LVRN: variants seen among roughly 807,000 people sequenced by gnomAD.
The protein encoded by LVRN is laeverin, also known as aminopeptidase Q.
Under a neutral mutation model 111.4 loss-of-function variants are expected in LVRN, and 99 were observed. The observed-to-expected ratio is 0.89, with a 90% CI of 0.76 to 1.05. LVRN has a LOEUF of 1.05. Ranked by LOEUF, LVRN falls within the 50% of genes least tolerant of loss-of-function variation. The pLI is 0.00. For synonymous variants in LVRN, 488 were observed against 449.5 expected, an observed-to-expected ratio of 1.09 and a Z score of -1.08; for missense variants, 1,414 against 1,206.8, an observed-to-expected ratio of 1.17 and a Z score of -2.54.
chr5:116,023,589 ACTGG>A (rs1748801727), intron 19 of LVRN: 1 of 152,278 alleles, frequency 6.6e-6, no homozygotes, highest in African/African-American at 2.4e-5. Flanking sequence ...CACCCAAGTC[ACTGG>A]CACTGGGAAG....
chr5:116,006,590 T>C (rs1443321303), intron 13 of LVRN, among the ~76,000 whole-genome samples: 1 of 152,190 alleles, frequency 6.6e-6, no homozygotes, highest in Non-Finnish European at 1.5e-5. Flanking sequence ...GAGACTCTGA[T>C]ATGCAAACCT....
At chr5:115,985,477 G>T (rs767491481) in intron 3 of LVRN, among the ~76,000 whole-genome samples, 1 of 152,134 alleles carries the variant, frequency 6.6e-6, no homozygotes, top group East Asian at 1.9e-4. Flanking sequence ...ATGATTTCCA[G>T]AACAACAAGG....
Position 115,983,311 on chromosome 5 carries a change from A to C in LVRN, c.720A>C (p.Glu240Asp), listed in dbSNP as rs1277379161. 1 of 1,605,160 alleles carries C rather than the reference A, an allele frequency of 6.2e-7. No individual in the cohort carries two copies. Among genetic ancestry groups the C allele is most frequent in the East Asian group, 2.2e-5 (1 of 44,578 alleles). Reference sequence around the variant, plus strand: ...GGGCCCTGTTAGCGTCCCAGCTGGAACCAACATTTGCCAGGTATGTTTTCC... The same window carrying C: ...GGGCCCTGTTAGCGTCCCAGCTGGACCCAACATTTGCCAGGTATGTTTTCC... ...ERRALLASQL[E>D]PTFARYVFPC... The change falls in exon 2 of 20, where the codon GAA becomes GAC. Residue 240 changes from glutamate (E) to aspartate (D), a missense_variant. Glu to Asp is a conservative substitution (Grantham distance 45). Transcript: ENST00000357872.
intron 18 of LVRN, chr5:116,021,853 T>A: frequency 2.8e-6 from 1 of 358,618 alleles, no homozygotes; most frequent in Non-Finnish European, 5.4e-6. Context: ...GAAGTTTCCA[T>A]GACCACGCCT....
intron 1 of LVRN, among the ~76,000 whole-genome samples, chr5:115,973,227 GTCAACC>G: frequency 6.6e-6 from 1 of 152,230 alleles, no homozygotes; most frequent in African/African-American, 2.4e-5. Flanking sequence ...ACTGCACCCA[GTCAACC>G]TTGAATTCTT....
intron 15 of LVRN, among the ~76,000 whole-genome samples, chr5:116,013,878 A>C (rs111764775): frequency 0.02 from 3,103 of 152,266 alleles, 101 homozygotes; most frequent in African/African-American, 0.071. Flanking sequence ...AACAAATCAA[A>C]CCAACCAAAC....
chr5:115,984,558 A>C lies in LVRN; in HGVS notation c.839-12A>C. On this transcript the variant is annotated splice_polypyrimidine_tract_variant and intron_variant, in intron 2 of 19. Transcript: ENST00000357872. ...GATTTGCTGTGATTTGAACTAAAAT[A>C]AAATTCTCTAGGTCAGTCTGAAAAA... 1 of 1,612,156 alleles carries C rather than the reference A, an allele frequency of 6.2e-7. No homozygotes were observed. Among genetic ancestry groups the C allele is most frequent in the Non-Finnish European group, 8.5e-7 (1 of 1,179,184 alleles).
At chr5:115,981,520 C>A (rs1753559808) in intron 1 of LVRN, among the ~76,000 whole-genome samples, 4 of 152,064 alleles carry the variant, frequency 2.6e-5, no homozygotes. Flanking sequence ...GCATGGAATG[C>A]ATAATAATCA....
At chr5:116,011,839 G>A (rs147738317) in intron 14 of LVRN, among the ~76,000 whole-genome samples, 34 of 152,212 alleles carry the variant, frequency 2.2e-4, no homozygotes, top group African/African-American at 7.0e-4. Flanking sequence ...TCTTAGGGAT[G>A]TATTAGTAAA....
At chr5:115,972,175 A>G (rs931870732) in intron 1 of LVRN, among the ~76,000 whole-genome samples, 10 of 152,064 alleles carry the variant, frequency 6.6e-5, no homozygotes, top group African/African-American at 2.4e-4. Flanking sequence ...ACATTGATAA[A>G]TGAGCTTCAT....
rs1335274240 is a variant in LVRN at position 115,987,863 on chromosome 5, T to C, written c.1029T>C (p.Phe343=). The C allele has an allele frequency of 2.5e-6, 4 of 1,613,384 alleles. No homozygotes were observed. The African/African-American group carries it at 5.3e-5, about 22-fold the overall frequency. ...CAATTGCAAATGGAAGTGCAGACTTTGCTTTGAACATCACAGGTCCCATCT... is the reference window on the plus strand; with the variant it reads ...CAATTGCAAATGGAAGTGCAGACTTCGCTTTGAACATCACAGGTCCCATCT... ...KDAIANGSAD[F]ALNITGPIFS... is the part of the protein sequence containing the mutation. The change falls in exon 4 of 20, where the codon TTT becomes TTC. Residue 343 remains phenylalanine, a synonymous_variant. Transcript: ENST00000357872.
intron 1 of LVRN, among the ~76,000 whole-genome samples, chr5:115,969,205 G>A (rs755623579): frequency 9.2e-5 from 14 of 152,150 alleles, no homozygotes; most frequent in Non-Finnish European, 1.3e-4. Flanking sequence ...GATTCACTGA[G>A]CTTCTTGTAT....
intron 1 of LVRN, among the ~76,000 whole-genome samples, chr5:115,972,328 A>G (rs958082112): frequency 6.6e-6 from 1 of 151,790 alleles, no homozygotes; most frequent in Non-Finnish European, 1.5e-5. Context: ...ATTTTGTCAG[A>G]TTCATTCCTA....
At chr5:115,994,079 C>CT (rs889462381) in intron 6 of LVRN, among the ~76,000 whole-genome samples, 4 of 151,534 alleles carry the variant, frequency 2.6e-5, no homozygotes, top group Non-Finnish European at 5.9e-5. Flanking sequence ...TTTTGTATTG[C>CT]TTTTTTTACT....
chr5:115,998,345 T>C (rs1748164980), intron 6 of LVRN, among the ~76,000 whole-genome samples: 1 of 152,196 alleles, frequency 6.6e-6, no homozygotes, highest in Non-Finnish European at 1.5e-5. Context: ...CAGCAGCCAT[T>C]ATAAGGGATA....
At chr5:115,988,896 A>G (rs145341451) in intron 4 of LVRN, among the ~76,000 whole-genome samples, 1,820 of 152,230 alleles carry the variant, frequency 0.012, 9 homozygotes, top group Middle Eastern at 0.02. Flanking sequence ...TTGTCTTGGC[A>G]AGAAAAGTTC....
Position 116,015,769 on chromosome 5 carries a change from A to C in LVRN, c.2756+4A>C, listed in dbSNP as rs770866199. 6.2e-7 allele frequency: 1 copy of C among 1,612,812 alleles called. No homozygotes were observed. Among genetic ancestry groups the C allele is most frequent in the Non-Finnish European group, 8.5e-7 (1 of 1,179,352 alleles). ...ACTGGCAAGCTGTGAGTAAAAGGTA[A>C]GAAGGAAAGTGAGACCTTTCTTTCA... On this transcript the variant is annotated splice_donor_region_variant and intron_variant, in intron 18 of 19. Coordinates refer to ENST00000357872, the MANE Select transcript of LVRN (RefSeq NM_173800.5).
intron 6 of LVRN, among the ~76,000 whole-genome samples, chr5:115,996,046 C>A (rs1748101945): frequency 6.6e-6 from 1 of 152,098 alleles, no homozygotes; most frequent in Non-Finnish European, 1.5e-5. Flanking sequence ...TCTATGCCTA[C>A]AAAATTGTTT....
intron 4 of LVRN, among the ~76,000 whole-genome samples, chr5:115,990,802 T>G (rs1360909975): frequency 6.6e-6 from 1 of 152,022 alleles, no homozygotes; most frequent in Admixed American, 6.6e-5. Context: ...GAACTCCTGA[T>G]CTCAAGTGAT....
Sources: allele counts gnomAD v4.1 joint callset (sites outside exome capture counted in the v4.1 genomes callset), GRCh38; gene constraint gnomAD v4.1.1; transcripts MANE v1.5; gene names NCBI Gene and HGNC (gene_info 2026-07-23, HGNC 2026-07-21).